Variants in TBCE observed in about 807,000 individuals in gnomAD.
TBCE encodes tubulin folding cofactor E, also known as tubulin-specific chaperone E.
Under a neutral mutation model 77.0 loss-of-function variants are expected in TBCE, and 53 were observed. The ratio of observed to expected loss-of-function variants is 0.69; its 90% CI spans 0.55 to 0.87. The LOEUF (loss-of-function observed/expected upper bound fraction) is 0.87, where lower values mean the gene tolerates loss of function less well. Ranked by LOEUF, TBCE falls within the 40% of genes least tolerant of loss-of-function variation. The pLI, the probability that TBCE is intolerant of heterozygous loss-of-function variation, is 0.00. For missense variants in TBCE, 624 were observed against 622.4 expected, an observed-to-expected ratio of 1.00 and a Z score of -0.03; for synonymous variants, 235 against 241.3, an observed-to-expected ratio of 0.97 and a Z score of 0.24.
At chr1:235,435,679 A>T in intron 8 of TBCE, 66 bp from the exon 9 acceptor site, 1 of 1,468,434 alleles carries the variant, frequency 6.8e-7, no homozygotes, top group Non-Finnish European at 9.5e-7. Context: ...CAGGGATTTT[A>T]AGGCTGTATC....
intron 7 of TBCE, chr1:235,433,073 C>A: frequency 6.4e-7 from 1 of 1,553,504 alleles, no homozygotes. Flanking sequence ...AAGGACCACA[C>A]ATCCATGCGG....
Position 235,435,794 on chromosome 1 carries a change from C to G in TBCE, c.787C>G (p.Gln263Glu). The change falls in exon 9 of 17, where the codon CAA becomes GAA. Residue 263 changes from glutamine to glutamate, a missense_variant. Coordinates refer to ENST00000642610, the MANE Select transcript of TBCE (RefSeq NM_003193.5). ...CAAGTTATTAGATCTTTCCTCTAAT[C>G]AATTAATTGATGAAAATCAGCTGTA... ...TVKLLDLSSN[Q>E]LIDENQLYLI... The G allele has an allele frequency of 6.2e-7, 1 of 1,614,158 alleles. No homozygotes were observed. Among genetic ancestry groups the G allele is most frequent in the Non-Finnish European group, 8.5e-7 (1 of 1,180,020 alleles).
chr1:235,391,024 G>T (rs1418446008), intron 2 of TBCE, among the ~76,000 whole-genome samples: 2 of 152,104 alleles, frequency 1.3e-5, no homozygotes, highest in Admixed American at 1.3e-4. Flanking sequence ...AGTATGGGCT[G>T]CAGCGGTGTT....
Position 235,427,144 on chromosome 1 carries a change from CAGAA to C in TBCE, c.468_471del (p.Lys157Ter). The C allele has an allele frequency of 6.2e-7, 1 of 1,609,048 alleles. No individual in the cohort carries two copies. The highest frequency in any genetic ancestry group is 8.5e-7 in the Non-Finnish European group (1 of 1,175,536). Reference sequence around the variant, plus strand: ...TTTCTTAACATGTGCTTTTAGATATCAGAAAGGTAGATTTGTCAAAAAACCTGTT... The same window carrying C: ...TTTCTTAACATGTGCTTTTAGATATCAGGTAGATTTGTCAAAAAACCTGTT... On this transcript the variant is annotated frameshift_variant, in exon 6 of 17. Coordinates refer to ENST00000642610, the MANE Select transcript of TBCE (RefSeq NM_003193.5). LOFTEE classifies it high-confidence loss of function.
intron 5 of TBCE, among the ~76,000 whole-genome samples, chr1:235,426,673 TCTCA>T (rs1266005301): frequency 1.3e-5 from 2 of 152,240 alleles, no homozygotes; most frequent in Non-Finnish European, 2.9e-5. Flanking sequence ...TTTGAGACAG[TCTCA>T]CTCTGTCACC....
intron 7 of TBCE, among the ~76,000 whole-genome samples, chr1:235,431,162 A>G (rs138711047): frequency 6.6e-6 from 1 of 152,186 alleles, no homozygotes; most frequent in African/African-American, 2.4e-5. Flanking sequence ...TTTTTTTAGA[A>G]CAGAAGCCAA....
chr1:235,372,283 C>G (rs535574055), intron 1 of TBCE, among the ~76,000 whole-genome samples: 1 of 152,220 alleles, frequency 6.6e-6, no homozygotes, highest in Admixed American at 6.5e-5. Context: ...CTCTGGAACT[C>G]CTGACTTCAG....
Position 235,414,525 on chromosome 1 carries a change from A to G in TBCE, c.278A>G (p.Asp93Gly), listed in dbSNP as rs780401819. 1 of 1,613,962 alleles carries G rather than the reference A, an allele frequency of 6.2e-7. No homozygotes were observed. Among genetic ancestry groups the G allele is most frequent in the South Asian group, 1.1e-5 (1 of 91,080 alleles). ...ATTAAGAACCGCTATGTGTTAGAAGATGGACCAGAGGAAGATAGAAAAGAG... is the reference window on the plus strand; with the variant it reads ...ATTAAGAACCGCTATGTGTTAGAAGGTGGACCAGAGGAAGATAGAAAAGAG... ...TAIKNRYVLE[D>G]GPEEDRKEQI... is the part of the protein sequence containing the mutation. The change falls in exon 4 of 17, where the codon GAT (aspartate) becomes GGT (glycine). Residue 93 changes from aspartate (D) to glycine (G), a missense_variant. Physicochemically the swap from Asp to Gly is moderately conservative, Grantham distance 94. Transcript: ENST00000642610.
intron 2 of TBCE, among the ~76,000 whole-genome samples, chr1:235,383,803 T>C (rs1360633131): frequency 6.6e-6 from 1 of 152,202 alleles, no homozygotes; most frequent in Non-Finnish European, 1.5e-5. Context: ...TTGAATACCC[T>C]TTGTTTCCTT....
intron 2 of TBCE, among the ~76,000 whole-genome samples, chr1:235,399,270 T>C (rs915981566): frequency 6.6e-6 from 1 of 152,200 alleles, no homozygotes; most frequent in South Asian, 2.1e-4. Context: ...TATTTTTACC[T>C]TGTGTTTCTT....
intron 4 of TBCE, chr1:235,418,684 GTGTGAAGA>G (rs1422605764): frequency 1.3e-5 from 2 of 153,118 alleles, no homozygotes; most frequent in Non-Finnish European, 2.9e-5. Flanking sequence ...ACGCTGTAAG[GTGTGAAGA>G]TGAATGTCCT....
Position 235,433,128 on chromosome 1 carries a change from C to G in TBCE, c.661-1076C>G, listed in dbSNP as rs759516472. 2.0e-6 allele frequency: 3 copies of G among 1,478,678 alleles called. No homozygotes were observed. In the Admixed American group the frequency reaches 6.7e-5, roughly 33 times the overall value. 91.6% of individuals were successfully genotyped at this position (1,478,678 alleles called of 1,614,324 possible). A position where few individuals can be genotyped will look rare whatever the true frequency, so the allele number is the denominator to read the frequency against. On this transcript the variant is annotated intron_variant, in intron 7 of 16. Transcript: ENST00000642610. ...GTGAGGTCACGGGCAGGTTTAACAG[C>G]CAGTTTAAAACCTGTGCTATCTGCA...
chr1:235,427,447 A>G lies in TBCE; in HGVS notation c.560+208A>G, dbSNP rs138555109. 7.2e-5 allele frequency among the ~76,000 whole-genome samples: 11 copies of G among 152,292 alleles called. No homozygotes were observed. In the East Asian group the frequency reaches 2.1e-3, roughly 29 times the overall value. On this transcript the variant is annotated intron_variant, in intron 6 of 16. Coordinates refer to ENST00000642610, the MANE Select transcript of TBCE (RefSeq NM_003193.5). Reference sequence around the variant, plus strand: ...TTCCTTTTAATGAAAAGCAGCCCCAAATTATTTTCCTTTCTAACACAAGCA... The same window carrying G: ...TTCCTTTTAATGAAAAGCAGCCCCAGATTATTTTCCTTTCTAACACAAGCA...
At chr1:235,377,744 C>T (rs571799291) in intron 1 of TBCE, among the ~76,000 whole-genome samples, 81 of 151,850 alleles carry the variant, frequency 5.3e-4, no homozygotes, top group Middle Eastern at 3.4e-3. Context: ...CTCTGCCTCC[C>T]GGGTTCAAGC....
At position 235,449,939 on chromosome 1, in the gene TBCE, T is replaced by C. The variant is rs1682791769; in HGVS notation, c.*1177T>C. On this transcript the variant is annotated 3_prime_UTR_variant, in exon 17 of 17. Transcript: ENST00000642610. Reference sequence around the variant, plus strand: ...CACAATGCATCAGGATTTAGAAATATTTTTTCTTTTATAAAATAACTTGGT... The same window carrying C: ...CACAATGCATCAGGATTTAGAAATACTTTTTCTTTTATAAAATAACTTGGT... The C allele has an allele frequency of 9.8e-6, 3 of 306,140 alleles. No individual in the cohort carries two copies. The East Asian group carries it at 1.8e-4, about 19-fold the overall frequency. The allele number at this position is 306,140 out of a possible 1,614,324, so 19.0% of individuals were successfully genotyped here.
chr1:235,412,707 G>C (rs1201385607), intron 3 of TBCE, among the ~76,000 whole-genome samples: 1 of 152,184 alleles, frequency 6.6e-6, no homozygotes, highest in Non-Finnish European at 1.5e-5. Context: ...TTTAGAGTCT[G>C]ATCATCACTG....
At chr1:235,431,733 C>T (rs989546312) in intron 7 of TBCE, among the ~76,000 whole-genome samples, 4 of 134,288 alleles carry the variant, frequency 3.0e-5, no homozygotes, top group African/African-American at 8.5e-5. Context: ...AGTGCAGTGG[C>T]GCAATCTCGG....
At chr1:235,396,347 C>A (rs548143393) in intron 2 of TBCE, among the ~76,000 whole-genome samples, 290 of 152,282 alleles carry the variant, frequency 1.9e-3, no homozygotes, top group African/African-American at 6.7e-3. Flanking sequence ...CGTGAGCCAC[C>A]GTGCCCGGCC....
In TBCE at chr1:235,380,099, A is replaced by G; in HGVS notation, c.50A>G (p.Asn17Ser). The change falls in exon 2 of 17, where the codon AAT becomes AGT. Residue 17 changes from asparagine (N) to serine (S), a missense_variant. Transcript: ENST00000642610. ...GTCATTGGTCGAAGAGTTGAAGTTA[A>G]TGGAGAACATGCAACAGTACGTTTT... ...ADVIGRRVEV[N>S]GEHATVRFAG... is the part of the protein sequence containing the mutation. 6.2e-7 allele frequency: 1 copy of G among 1,613,322 alleles called. No individual in the cohort carries two copies. The highest frequency in any genetic ancestry group is 8.5e-7 in the Non-Finnish European group (1 of 1,179,622).
Sources: allele counts gnomAD v4.1 joint callset (sites outside exome capture counted in the v4.1 genomes callset), GRCh38; gene constraint gnomAD v4.1.1; transcripts MANE v1.5; gene names NCBI Gene and HGNC (gene_info 2026-07-23, HGNC 2026-07-21).